Variants in KIFAP3 observed in about 807,000 individuals in gnomAD.
KIFAP3 encodes the protein kinesin-associated protein 3.
A neutral mutation model predicts 106.5 loss-of-function variants in KIFAP3; 68 were observed. That is an observed-to-expected ratio of 0.64 (90% CI 0.53 to 0.78). KIFAP3 has a LOEUF of 0.78. Ranked by LOEUF, KIFAP3 falls within the 30% of genes least tolerant of loss-of-function variation. KIFAP3 has a pLI of 0.00. For missense variants in KIFAP3, 780 were observed against 941.8 expected, an observed-to-expected ratio of 0.83 and a Z score of 2.25; for synonymous variants, 320 against 311.5, an observed-to-expected ratio of 1.03 and a Z score of -0.29.
intron 9 of KIFAP3, among the ~76,000 whole-genome samples, chr1:170,018,012 T>C (rs1181113431): frequency 6.6e-6 from 1 of 152,262 alleles, no homozygotes; most frequent in Non-Finnish European, 1.5e-5. Context: ...CAGCAAACTA[T>C]GGCTAGTGGG....
intron 3 of KIFAP3, among the ~76,000 whole-genome samples, chr1:170,041,070 G>A (rs796186293): frequency 7.2e-5 from 11 of 152,066 alleles, no homozygotes; most frequent in African/African-American, 2.7e-4. Context: ...TGATCCGCCC[G>A]CCTCGGCCTC....
At chr1:169,956,518 C>A (rs1244951585) in intron 18 of KIFAP3, among the ~76,000 whole-genome samples, 1 of 151,314 alleles carries the variant, frequency 6.6e-6, no homozygotes, top group African/African-American at 2.4e-5. Flanking sequence ...AAAGATTCAG[C>A]CAGAAATTGT....
chr1:169,982,377 G>T (rs549073262), intron 14 of KIFAP3, among the ~76,000 whole-genome samples: 2 of 152,174 alleles, frequency 1.3e-5, no homozygotes, highest in South Asian at 4.2e-4. Context: ...TCATTTGAAT[G>T]CCTCAAAGAC....
intron 19 of KIFAP3, among the ~76,000 whole-genome samples, chr1:169,938,399 G>A (rs935827471): frequency 6.6e-6 from 1 of 151,874 alleles, no homozygotes; most frequent in Non-Finnish European, 1.5e-5. Context: ...ACTATAAGCA[G>A]GATATATAAT....
At chr1:169,934,369 G>A (rs539502961) in intron 19 of KIFAP3, among the ~76,000 whole-genome samples, 78 of 152,256 alleles carry the variant, frequency 5.1e-4, no homozygotes, top group African/African-American at 1.8e-3. Context: ...CATGATTGAT[G>A]AAAATAACAA....
intron 8 of KIFAP3, among the ~76,000 whole-genome samples, chr1:170,025,847 T>C (rs1225471403): frequency 6.6e-6 from 1 of 152,194 alleles, no homozygotes; most frequent in African/African-American, 2.4e-5. Context: ...CAGACTTCTC[T>C]TTACAGCCAA....
intron 19 of KIFAP3, among the ~76,000 whole-genome samples, chr1:169,946,248 G>C: frequency 5.4e-5 from 1 of 18,668 alleles, no homozygotes; most frequent in East Asian, 7.5e-3. Flanking sequence ...AGAGAATTTA[G>C]TGAACTAACT....
intron 11 of KIFAP3, among the ~76,000 whole-genome samples, chr1:169,991,108 C>T (rs768227439): frequency 2.6e-5 from 4 of 151,914 alleles, no homozygotes; most frequent in East Asian, 1.9e-4. Context: ...GGAGGACAAG[C>T]GGGGGAAGAT....
At chr1:169,957,629 T>G (rs1188268983) in intron 18 of KIFAP3, among the ~76,000 whole-genome samples, 1 of 152,120 alleles carries the variant, frequency 6.6e-6, no homozygotes, top group Non-Finnish European at 1.5e-5. Flanking sequence ...CTTTTTTTTT[T>G]AACTCTTTTT....
chr1:170,039,725 T>C (rs927568857), intron 3 of KIFAP3, among the ~76,000 whole-genome samples: 2 of 151,880 alleles, frequency 1.3e-5, no homozygotes, highest in Non-Finnish European at 2.9e-5. Context: ...GAAAAAAAAA[T>C]TGGTAAATTT....
At chr1:170,076,196 C>T (rs1021878551), upstream of KIFAP3, among the ~76,000 whole-genome samples, 9 of 151,910 alleles carry the variant, frequency 5.9e-5, no homozygotes, top group Admixed American at 4.6e-4. Context: ...AAATGCAAAC[C>T]TGAGCTTGAA....
chr1:169,998,389 TATATATATATACACACACACACAC>T (rs1667481529), intron 10 of KIFAP3, among the ~76,000 whole-genome samples: 1 of 54,616 alleles, frequency 1.8e-5, no homozygotes, highest in Admixed American at 1.8e-4. Context: ...CAGATATATA[TATATATATATACACACACACACAC>T]ACACACACAC....
intron 15 of KIFAP3, among the ~76,000 whole-genome samples, chr1:169,978,767 T>C (rs1021107868): frequency 7.9e-5 from 12 of 152,130 alleles, no homozygotes; most frequent in African/African-American, 2.9e-4. Flanking sequence ...TTAGATTTAA[T>C]AGTATAGTTT....
chr1:169,921,577 C>T lies in KIFAP3; in HGVS notation c.*99G>A, dbSNP rs1241206139. 2 of 862,518 alleles carry T rather than the reference C, an allele frequency of 2.3e-6. No homozygotes were observed. The highest frequency in any genetic ancestry group is 1.7e-5 in the African/African-American group (1 of 59,118). 53.4% of individuals were successfully genotyped at this position (862,518 alleles called of 1,614,324 possible). ...AAAAATAAAAACAAACACAGACCCA[C>T]AATAACATCAACATGCATTATTAGG... is the stretch of plus-strand genomic sequence containing the variant. On this transcript the variant is annotated 3_prime_UTR_variant, in exon 20 of 20. Coordinates refer to ENST00000361580, the MANE Select transcript of KIFAP3 (RefSeq NM_014970.4).
chr1:169,998,567 G>T (rs750928731), intron 10 of KIFAP3, among the ~76,000 whole-genome samples: 154 of 151,744 alleles, frequency 1.0e-3, no homozygotes, highest in Non-Finnish European at 1.8e-3. Flanking sequence ...GTTTCCCCTA[G>T]AATTTAAACA....
At position 170,074,495 on chromosome 1, in the gene KIFAP3, A is replaced by C. The variant is rs1238601253; in HGVS notation, c.-28T>G. ...CGGCAGCGGCAGCGGCGTGGAGAGG[A>C]TGGGGTATCTTGAGAGGCAGGCGCG... On this transcript the variant is annotated 5_prime_UTR_variant, in exon 1 of 20. Transcript: ENST00000361580. 4.3e-6 allele frequency: 7 copies of C among 1,612,116 alleles called. No homozygotes were observed. The Admixed American group carries it at 6.7e-5, about 15-fold the overall frequency.
intron 9 of KIFAP3, among the ~76,000 whole-genome samples, chr1:170,017,034 A>G (rs1668556570): frequency 6.6e-6 from 1 of 152,184 alleles, no homozygotes; most frequent in Admixed American, 6.5e-5. Flanking sequence ...CGAGGCGGGC[A>G]GATCACGAGG....
At position 169,921,541 on chromosome 1, in the gene KIFAP3, TAAC is replaced by T. The variant is rs1571493520; in HGVS notation, c.*132_*134del. The T allele has an allele frequency of 3.1e-5, 20 of 648,816 alleles. No homozygotes were observed. The highest frequency in any genetic ancestry group is 5.4e-5 in the Non-Finnish European group (20 of 371,602). 40.2% of individuals were successfully genotyped at this position (648,816 alleles called of 1,614,324 possible). Reference sequence around the variant, plus strand: ...AGAGGGGCTGGGGTTAATCTGCAGCTAACAACATATAAAAATAAAAACAAACAC... The same window carrying T: ...AGAGGGGCTGGGGTTAATCTGCAGCTAACATATAAAAATAAAAACAAACAC... On this transcript the variant is annotated 3_prime_UTR_variant, in exon 20 of 20. Coordinates refer to ENST00000361580, the MANE Select transcript of KIFAP3 (RefSeq NM_014970.4).
chr1:170,052,074 T>A (rs906442027), intron 2 of KIFAP3, among the ~76,000 whole-genome samples: 1 of 151,122 alleles, frequency 6.6e-6, no homozygotes, highest in African/African-American at 2.4e-5. Context: ...TTCAAAAAAA[T>A]TAACAAAATA....
Sources: allele counts gnomAD v4.1 joint callset (sites outside exome capture counted in the v4.1 genomes callset), GRCh38; gene constraint gnomAD v4.1.1; transcripts MANE v1.5; gene names NCBI Gene and HGNC (gene_info 2026-07-23, HGNC 2026-07-21).